Variants in ATRNL1 observed in about 807,000 individuals in gnomAD.
The protein encoded by ATRNL1 is attractin like 1, also known as attractin-like protein 1.
ATRNL1 carries 95 observed loss-of-function variants against 182.7 expected under a neutral mutation model. The ratio of observed to expected loss-of-function variants is 0.52; its 90% CI spans 0.44 to 0.62. The LOEUF is 0.62. Ranked by LOEUF, ATRNL1 falls within the 20% of genes least tolerant of loss-of-function variation. The pLI is 0.00. For missense variants in ATRNL1, 1,471 were observed against 1,679.5 expected (o/e 0.88, Z 2.17); for synonymous variants, 576 against 568.3 (o/e 1.01, Z -0.19).
chr10:115,596,803 TTTTAAGAATATTAG>T (rs1462190953), intron 26 of ATRNL1, among the ~76,000 whole-genome samples: 33 of 152,316 alleles, frequency 2.2e-4, no homozygotes, highest in South Asian at 8.3e-4. Context: ...ATCCATTTAT[TTTTAAGAATATTAG>T]TTTAAGAATA....
At chr10:115,650,481 C>G (rs532784505) in intron 26 of ATRNL1, among the ~76,000 whole-genome samples, 13 of 152,100 alleles carry the variant, frequency 8.5e-5, no homozygotes, top group African/African-American at 2.9e-4. Flanking sequence ...ATGGAGGTAT[C>G]AAATCTGGAT....
At position 115,171,239 on chromosome 10, in the gene ATRNL1, T is replaced by C. The variant is rs1325055592; in HGVS notation, c.1295T>C (p.Phe432Ser). Reference protein sequence around the residue: ...DSRDVVMIIIFGYSAIYGYTS... With the variant: ...DSRDVVMIIISGYSAIYGYTS... ...AGAGATGTTGTCATGATCATAATATTTGGATATTCTGCAATATATGGTTAT... is the reference window on the plus strand; with the variant it reads ...AGAGATGTTGTCATGATCATAATATCTGGATATTCTGCAATATATGGTTAT... Residue 432 changes from phenylalanine to serine, a missense_variant, in exon 8 of 29, where the codon TTT becomes TCT. Phe to Ser is a radical substitution (Grantham distance 155, BLOSUM62 -2). Transcript: ENST00000355044. The C allele has an allele frequency of 6.2e-6, 10 of 1,609,522 alleles. No homozygotes were observed. The highest frequency in any genetic ancestry group is 1.3e-5 in the African/African-American group (1 of 74,796).
At chr10:115,219,740 T>C (rs1849373326) in intron 9 of ATRNL1, among the ~76,000 whole-genome samples, 1 of 151,932 alleles carries the variant, frequency 6.6e-6, no homozygotes. Context: ...CCATCTCTAC[T>C]AAAAATACAA....
Position 115,627,609 on chromosome 10 carries a change from G to A in ATRNL1, c.3795+78073G>A, listed in dbSNP as rs532384847. ...TTGAACTGCTGACCTCAAGTGATGC[G>A]CTCCCCTGAGCCTCCCAAAGTGTTG... On this transcript the variant is annotated intron_variant, in intron 26 of 28. Transcript: ENST00000355044. 5.9e-5 allele frequency among the ~76,000 whole-genome samples: 9 copies of A among 152,062 alleles called. No homozygotes were observed. In the South Asian group the frequency reaches 8.3e-4, roughly 14 times the overall value.
intron 13 of ATRNL1, among the ~76,000 whole-genome samples, chr10:115,278,729 T>G (rs1852213791): frequency 6.6e-6 from 1 of 152,184 alleles, no homozygotes; most frequent in East Asian, 1.9e-4. Context: ...ACCAAAAACC[T>G]TAGGCACTAA....
intron 28 of ATRNL1, among the ~76,000 whole-genome samples, chr10:115,878,958 T>A (rs1951760850): frequency 1.3e-5 from 2 of 152,044 alleles, no homozygotes; most frequent in African/African-American, 4.8e-5. Context: ...AAAAATAGTA[T>A]GAGGAAGAGA....
At chr10:115,194,992 A>C (rs1404922653) in intron 8 of ATRNL1, among the ~76,000 whole-genome samples, 1 of 152,010 alleles carries the variant, frequency 6.6e-6, no homozygotes, top group Non-Finnish European at 1.5e-5. Context: ...AAAACTAAAA[A>C]AGCTCTATAC....
At chr10:115,257,726 G>A (rs1341510608) in intron 10 of ATRNL1, among the ~76,000 whole-genome samples, 1 of 152,200 alleles carries the variant, frequency 6.6e-6, no homozygotes, top group African/African-American at 2.4e-5. Flanking sequence ...AATTTAGCAT[G>A]TTTTTGCAAT....
chr10:115,395,306 G>T (rs190021577), intron 20 of ATRNL1, among the ~76,000 whole-genome samples: 62 of 151,848 alleles, frequency 4.1e-4, no homozygotes, highest in African/African-American at 1.4e-3. Context: ...TACTGCTGCA[G>T]TGAACATATA....
At chr10:115,558,001 T>C (rs1554997639) in intron 26 of ATRNL1, among the ~76,000 whole-genome samples, 2 of 150,270 alleles carry the variant, frequency 1.3e-5, no homozygotes. Context: ...GCCGAGATCC[T>C]GCCACTGCAC....
At chr10:115,768,371 T>C (rs1166911905) in intron 27 of ATRNL1, among the ~76,000 whole-genome samples, 2 of 152,184 alleles carry the variant, frequency 1.3e-5, no homozygotes, top group Admixed American at 1.3e-4. Flanking sequence ...TGATTTGCTA[T>C]TTTATGACTT....
At chr10:115,833,620 G>A (rs1329933864) in intron 27 of ATRNL1, among the ~76,000 whole-genome samples, 4 of 152,078 alleles carry the variant, frequency 2.6e-5, no homozygotes, top group Non-Finnish European at 4.4e-5. Context: ...TAAATGCTTT[G>A]TAAGTATCAA....
intron 18 of ATRNL1, among the ~76,000 whole-genome samples, chr10:115,330,819 C>G (rs1246053196): frequency 2.6e-5 from 4 of 151,408 alleles, no homozygotes; most frequent in Admixed American, 1.3e-4. Context: ...ATATTTATAT[C>G]TTTCTTCAGG....
At chr10:115,683,887 A>T (rs142174786) in intron 26 of ATRNL1, among the ~76,000 whole-genome samples, 193 of 151,948 alleles carry the variant, frequency 1.3e-3, no homozygotes, top group African/African-American at 4.3e-3. Context: ...TTAATAAAGC[A>T]TATAAGCAGA....
At chr10:115,327,434 C>G (rs1554933719) in intron 18 of ATRNL1, among the ~76,000 whole-genome samples, 1 of 152,094 alleles carries the variant, frequency 6.6e-6, no homozygotes, top group Non-Finnish European at 1.5e-5. Flanking sequence ...AGTCAGGAAA[C>G]AACAGGTGCT....
chr10:115,681,614 A>G (rs2532723), intron 26 of ATRNL1, among the ~76,000 whole-genome samples: 149,440 of 152,152 alleles, frequency 0.98, 73,451 homozygotes, highest in East Asian at 1. Flanking sequence ...GAACCATCTC[A>G]AGAGTGTATT....
At chr10:115,430,027 C>T (rs575802029) in intron 21 of ATRNL1, among the ~76,000 whole-genome samples, 118 of 152,216 alleles carry the variant, frequency 7.8e-4, no homozygotes, top group Middle Eastern at 3.4e-3. Flanking sequence ...GCCGAGATCG[C>T]GCCACTGCAC....
At chr10:115,891,470 T>C (rs1555111266) in intron 28 of ATRNL1, among the ~76,000 whole-genome samples, 1 of 152,230 alleles carries the variant, frequency 6.6e-6, no homozygotes, top group African/African-American at 2.4e-5. Context: ...AAACATTTCA[T>C]GTGAACAGTA....
chr10:115,646,947 C>G (rs868929326), intron 26 of ATRNL1, among the ~76,000 whole-genome samples: 2 of 112,852 alleles, frequency 1.8e-5, no homozygotes, highest in Non-Finnish European at 3.6e-5. Flanking sequence ...TCCCCCCTCC[C>G]CCCCTCCCCC....
Sources: allele counts gnomAD v4.1 joint callset (sites outside exome capture counted in the v4.1 genomes callset), GRCh38; gene constraint gnomAD v4.1.1; transcripts MANE v1.5; gene names NCBI Gene and HGNC (gene_info 2026-07-23, HGNC 2026-07-21).